Variants in CDH13 observed in about 807,000 individuals in gnomAD.
CDH13 encodes the protein cadherin-13.
Under a neutral mutation model 63.8 loss-of-function variants are expected in CDH13, and 24 were observed. That is an observed-to-expected ratio of 0.38 (90% CI 0.27 to 0.53). The LOEUF (loss-of-function observed/expected upper bound fraction) is 0.53. Ranked by LOEUF, CDH13 falls within the 20% of genes least tolerant of loss-of-function variation. The probability of loss-of-function intolerance (pLI) is 0.85; values close to 1 mark genes in which losing one functional copy is unlikely to be tolerated. For missense variants in CDH13, 1,049 were observed against 903.1 expected, an observed-to-expected ratio of 1.16 and a Z score of -2.07; for synonymous variants, 503 against 355.3, an observed-to-expected ratio of 1.42 and a Z score of -4.67.
chr16:83,729,086 C>T (rs972506088), intron 10 of CDH13: 1 of 152,174 alleles, frequency 6.6e-6, no homozygotes, highest in African/African-American at 2.4e-5. Context: ...CTCATGACCT[C>T]ATGTAACCTT....
intron 1 of CDH13, among the ~76,000 whole-genome samples, chr16:82,798,014 C>G (rs948385300): frequency 3.3e-5 from 5 of 152,196 alleles, no homozygotes; most frequent in Middle Eastern, 6.8e-3. Context: ...TGAGCCATCA[C>G]AAAGTAAAGA....
chr16:83,242,994 A>T (rs553629547), intron 5 of CDH13, among the ~76,000 whole-genome samples: 16 of 152,298 alleles, frequency 1.1e-4, no homozygotes, highest in South Asian at 4.1e-4. Context: ...AGGCACTATT[A>T]TTATTTTCAT....
chr16:82,936,734 G>A (rs373995682), intron 2 of CDH13, among the ~76,000 whole-genome samples: 20 of 152,250 alleles, frequency 1.3e-4, no homozygotes, highest in African/African-American at 4.3e-4. Context: ...TATGTTGGAC[G>A]AGCACTGTGA....
chr16:83,314,761 T>C (rs536504107), intron 5 of CDH13, among the ~76,000 whole-genome samples: 1 of 152,364 alleles, frequency 6.6e-6, no homozygotes, highest in East Asian at 1.9e-4. Context: ...GTTTTCTCTT[T>C]ACATGTTGAC....
chr16:83,159,197 A>G (rs1022445016), intron 4 of CDH13, among the ~76,000 whole-genome samples: 11 of 149,880 alleles, frequency 7.3e-5, no homozygotes, highest in Middle Eastern at 6.8e-3. Context: ...TGGGGGAAAC[A>G]AAAAAAAAGA....
intron 13 of CDH13, among the ~76,000 whole-genome samples, chr16:83,788,455 T>TAA (rs1475585300): frequency 1.7e-5 from 2 of 116,556 alleles, no homozygotes; most frequent in South Asian, 3.2e-4. Flanking sequence ...TAAGTATTAG[T>TAA]AAACATTGAA....
intron 3 of CDH13, among the ~76,000 whole-genome samples, chr16:83,085,000 A>C (rs1597303683): frequency 6.6e-6 from 1 of 152,366 alleles, no homozygotes; most frequent in East Asian, 1.9e-4. Context: ...TGAGAAATTC[A>C]GGCTATTCCT....
Position 83,247,527 on chromosome 16 carries a change from A to G in CDH13, c.636+30030A>G, listed in dbSNP as rs539615746. ...TTTTAATTAACAGTGTCTGTTAAAC[A>G]TGCATGTGATTCAGAATTAGATATC... On this transcript the variant is annotated intron_variant, in intron 5 of 13. Transcript: ENST00000567109. 3.5e-4 allele frequency among the ~76,000 whole-genome samples: 54 copies of G among 152,116 alleles called. No individual in the cohort carries two copies. In the South Asian group the frequency reaches 9.1e-3, roughly 26 times the overall value.
chr16:83,705,109 T>A (rs1450398559), intron 10 of CDH13, among the ~76,000 whole-genome samples: 1 of 152,232 alleles, frequency 6.6e-6, no homozygotes, highest in East Asian at 1.9e-4. Flanking sequence ...TCCCCGATTC[T>A]TAAATAGAGT....
At position 83,235,218 on chromosome 16, in the gene CDH13, C is replaced by A. The variant is rs537691970; in HGVS notation, c.636+17721C>A. On this transcript the variant is annotated intron_variant, in intron 5 of 13. Coordinates refer to ENST00000567109, the MANE Select transcript of CDH13 (RefSeq NM_001257.5). ...AGACCCAGTCTCAAAAAAGTACATACACACATATATAAACAAACACTTAGG... is the reference window on the plus strand; with the variant it reads ...AGACCCAGTCTCAAAAAAGTACATAAACACATATATAAACAAACACTTAGG... Among the ~76,000 whole-genome samples, 16 of 152,228 alleles carry A rather than the reference C, an allele frequency of 1.1e-4. No homozygotes were observed. In the East Asian group the frequency reaches 2.9e-3, roughly 28 times the overall value.
At chr16:83,560,329 C>T (rs1279362193) in intron 7 of CDH13, among the ~76,000 whole-genome samples, 2 of 152,192 alleles carry the variant, frequency 1.3e-5, no homozygotes, top group Non-Finnish European at 2.9e-5. Flanking sequence ...TGCAATGGAA[C>T]ACTACTCAGC....
intron 1 of CDH13, among the ~76,000 whole-genome samples, chr16:82,629,888 TA>T (rs1195341467): frequency 6.6e-6 from 1 of 152,186 alleles, no homozygotes; most frequent in African/African-American, 2.4e-5. Context: ...AATTCCATGG[TA>T]AATGTGATTC....
intron 7 of CDH13, among the ~76,000 whole-genome samples, chr16:83,580,981 A>T (rs1905542597): frequency 6.6e-6 from 1 of 152,190 alleles, no homozygotes; most frequent in Admixed American, 6.5e-5. Flanking sequence ...AATATTTATA[A>T]AAGAAAGAAA....
rs143385707 is a variant in CDH13, at chr16:82,800,312, G to T, written c.46-58050G>T. The stretch of plus-strand genomic sequence containing the variant: ...TCTCCTTTAAAATTGTATTTTTCTC[G>T]TATGAAGACCCAGTTCAATGGGTTT... On this transcript the variant is annotated intron_variant, in intron 1 of 13. Coordinates refer to ENST00000567109, the MANE Select transcript of CDH13 (RefSeq NM_001257.5). Among the ~76,000 whole-genome samples the T allele has an allele frequency of 7.9e-3, 1,201 of 152,062 alleles. 14 individuals carry two copies. Among genetic ancestry groups the T allele is most frequent in the African/African-American group, 0.028 (1,159 of 41,490 alleles).
chr16:83,482,015 C>T (rs1321034429), intron 6 of CDH13, among the ~76,000 whole-genome samples: 2 of 152,120 alleles, frequency 1.3e-5, no homozygotes, highest in Admixed American at 6.6e-5. Context: ...GCATGTCAGC[C>T]CTGGGCATAG....
intron 1 of CDH13, among the ~76,000 whole-genome samples, chr16:82,674,321 A>G (rs1913642807): frequency 2.0e-5 from 3 of 152,210 alleles, no homozygotes; most frequent in African/African-American, 7.2e-5. Flanking sequence ...AGGTCAGACT[A>G]GAGATTGTAC....
At chr16:82,802,018 TC>T (rs2036880988) in intron 1 of CDH13, among the ~76,000 whole-genome samples, 2 of 152,178 alleles carry the variant, frequency 1.3e-5, no homozygotes, top group Non-Finnish European at 2.9e-5. Context: ...CGGGTGGGGC[TC>T]AGTTCCGTTG....
chr16:83,293,826 G>C (rs1180329436), intron 5 of CDH13, among the ~76,000 whole-genome samples: 1 of 152,116 alleles, frequency 6.6e-6, no homozygotes, highest in Non-Finnish European at 1.5e-5. Flanking sequence ...CCAACAGAGT[G>C]GGAGCTAACA....
chr16:82,992,063 A>C (rs2151407143), intron 2 of CDH13, among the ~76,000 whole-genome samples: 1 of 152,344 alleles, frequency 6.6e-6, no homozygotes, highest in East Asian at 1.9e-4. Flanking sequence ...AGGAAGAAGA[A>C]GAGTATTTCG....
Sources: allele counts gnomAD v4.1 joint callset (sites outside exome capture counted in the v4.1 genomes callset), GRCh38; gene constraint gnomAD v4.1.1; transcripts MANE v1.5; gene names NCBI Gene and HGNC (gene_info 2026-07-23, HGNC 2026-07-21).